SERINC5: variants seen among roughly 807,000 people sequenced by gnomAD.
The protein encoded by SERINC5 is serine incorporator 5.
SERINC5 carries 41 observed loss-of-function variants against 63.1 expected under a neutral mutation model. The ratio of observed to expected loss-of-function variants is 0.65; its 90% CI spans 0.51 to 0.84. The LOEUF (loss-of-function observed/expected upper bound fraction) is 0.84, where lower values mean the gene tolerates loss of function less well. Among genes scored for constraint, SERINC5 ranks in the 40% least tolerant of loss-of-function variants. The pLI is 0.00. For synonymous variants in SERINC5, 222 were observed against 215.2 expected, an observed-to-expected ratio of 1.03 and a Z score of -0.28; for missense variants, 523 against 573.0, an observed-to-expected ratio of 0.91 and a Z score of 0.89.
intron 1 of SERINC5, among the ~76,000 whole-genome samples, chr5:80,208,563 C>T (rs1035671595): frequency 7.2e-5 from 11 of 152,142 alleles, no homozygotes; most frequent in Non-Finnish European, 1.0e-4. Flanking sequence ...CAATTGCATG[C>T]TATACTCAAT....
intron 8 of SERINC5, chr5:80,157,187 T>A (rs1746594642): frequency 6.6e-6 from 1 of 151,988 alleles, no homozygotes; most frequent in Non-Finnish European, 1.5e-5. Flanking sequence ...GATATGGGGT[T>A]TCACCATGTT....
At chr5:80,223,223 T>C (rs1023592213) in intron 1 of SERINC5, among the ~76,000 whole-genome samples, 55 of 152,324 alleles carry the variant, frequency 3.6e-4, no homozygotes, top group African/African-American at 1.3e-3. Flanking sequence ...CCTCAGTATC[T>C]GCGAGGGACT....
intron 11 of SERINC5, among the ~76,000 whole-genome samples, chr5:80,124,974 G>A (rs1361075544): frequency 6.6e-6 from 1 of 152,180 alleles, no homozygotes; most frequent in East Asian, 1.9e-4. Flanking sequence ...AAAAAGGTAG[G>A]GGGATGGACA....
chr5:80,125,478 A>G lies in SERINC5; in HGVS notation c.1239-11853T>C, dbSNP rs75828071. On this transcript the variant is annotated intron_variant, in intron 11 of 12. Transcript: ENST00000509193. ...CTGTCAAGGAAAGGCATTTCAGGAA[A>G]CCAAAAGTAGTATCTGTTTGACATG... Among the ~76,000 whole-genome samples, 1,088 of 152,292 alleles carry G rather than the reference A, an allele frequency of 7.1e-3. 14 individuals carry two copies. The highest frequency in any genetic ancestry group is 0.025 in the African/African-American group (1,030 of 41,568).
chr5:80,186,404 T>C (rs1748812350), intron 2 of SERINC5, among the ~76,000 whole-genome samples: 1 of 151,970 alleles, frequency 6.6e-6, no homozygotes, highest in Non-Finnish European at 1.5e-5. Context: ...CCCTAAAGTG[T>C]TGGGATTACA....
At chr5:80,245,942 T>C (rs536698394) in intron 1 of SERINC5, among the ~76,000 whole-genome samples, 1 of 146,544 alleles carries the variant, frequency 6.8e-6, no homozygotes, top group East Asian at 2.0e-4. Flanking sequence ...ATTGACATTT[T>C]ACTTTAGGGA....
intron 1 of SERINC5, among the ~76,000 whole-genome samples, chr5:80,235,853 A>C (rs1751663557): frequency 2.6e-5 from 4 of 151,124 alleles, no homozygotes; most frequent in Admixed American, 2.6e-4. Context: ...TAACCTTTTA[A>C]ATTTTTCTGT....
At chr5:80,144,295 C>A (rs2112297090) in intron 11 of SERINC5, among the ~76,000 whole-genome samples, 2 of 152,312 alleles carry the variant, frequency 1.3e-5, no homozygotes, top group East Asian at 3.9e-4. Context: ...TTGATTATCA[C>A]CAATGATGCT....
intron 11 of SERINC5, among the ~76,000 whole-genome samples, chr5:80,115,693 A>G (rs2112221578): frequency 6.6e-6 from 1 of 152,206 alleles, no homozygotes; most frequent in Non-Finnish European, 1.5e-5. Context: ...ATGCTGTTTT[A>G]CGTTTTCTTC....
intron 1 of SERINC5, among the ~76,000 whole-genome samples, chr5:80,210,572 A>G (rs904430161): frequency 1.3e-5 from 2 of 152,198 alleles, no homozygotes; most frequent in African/African-American, 4.8e-5. Flanking sequence ...TTCATTACCT[A>G]GAATTTCCAG....
chr5:80,221,299 C>A (rs886788132), intron 1 of SERINC5, among the ~76,000 whole-genome samples: 1 of 152,212 alleles, frequency 6.6e-6, no homozygotes, highest in African/African-American at 2.4e-5. Flanking sequence ...ATCCTGTGTT[C>A]AAGTGATGAC....
intron 11 of SERINC5, among the ~76,000 whole-genome samples, chr5:80,128,642 T>G (rs1344903870): frequency 1.3e-5 from 2 of 152,122 alleles, no homozygotes; most frequent in East Asian, 3.9e-4. Flanking sequence ...AGTAAGGATT[T>G]TAAGAAAAGT....
rs2112374254 is a variant in SERINC5 at position 80,166,526 on chromosome 5, G to GA, written c.764-49dup. On this transcript the variant is annotated intron_variant, in intron 6 of 11. Coordinates refer to ENST00000507668, the MANE Select transcript of SERINC5 (RefSeq NM_001174072.3). ...CAACAGGTTTTAATTTGAAGAAAAAGAAAGCACATGCCTAAAAAACCTGAT... is the reference window on the plus strand; with the variant it reads ...CAACAGGTTTTAATTTGAAGAAAAAGAAAAGCACATGCCTAAAAAACCTGAT... 2.3e-6 allele frequency: 3 copies of GA among 1,293,840 alleles called. No homozygotes were observed. The East Asian group carries it at 7.6e-5, about 33-fold the overall frequency. 80.1% of individuals were successfully genotyped at this position (1,293,840 alleles called of 1,614,324 possible). A position where few individuals can be genotyped will look rare whatever the true frequency, so the allele number is the denominator to read the frequency against.
intron 1 of SERINC5, among the ~76,000 whole-genome samples, chr5:80,233,200 C>T (rs1007986475): frequency 6.6e-6 from 1 of 152,126 alleles, no homozygotes; most frequent in African/African-American, 2.4e-5. Flanking sequence ...CCAAGGAGGG[C>T]GGATCATCTG....
At chr5:80,138,663 A>AT, downstream of SERINC5, 1 of 219,168 alleles carries the variant, frequency 4.6e-6, no homozygotes, top group South Asian at 1.6e-4. Flanking sequence ...AACATGAGGT[A>AT]ATGCATATGC....
Position 80,213,907 on chromosome 5 carries a change from G to A in SERINC5, c.28-10854C>T, listed in dbSNP as rs113937050. ...TGCTTTGTCAATTCCTGGGAATACC[G>A]CAGTAAACAAGAGACCTTGATTCTA... On this transcript the variant is annotated intron_variant, in intron 1 of 11. Transcript: ENST00000507668. 9.5e-3 allele frequency among the ~76,000 whole-genome samples: 1,442 copies of A among 152,062 alleles called. 29 individuals carry two copies. The highest frequency in any genetic ancestry group is 0.033 in the African/African-American group (1,364 of 41,456).
rs70982043 is a variant in SERINC5 at position 80,232,407 on chromosome 5, GA to G, written c.27+23488del. Among the ~76,000 whole-genome samples, 1,046 of 110,300 alleles carry G rather than the reference GA, an allele frequency of 9.5e-3. 7 individuals are homozygous for G. Among genetic ancestry groups the G allele is most frequent in the Middle Eastern group, 0.048 (9 of 188 alleles). 72.4% of individuals were successfully genotyped at this position (110,300 alleles called of 152,430 possible). A position where few individuals can be genotyped will look rare whatever the true frequency, so the allele number is the denominator to read the frequency against. ...CGACAGAGTGAGACTCTGTCTCAAA[GA>G]AAAAAAAAAAAAAAGTGGAAACAAC... On this transcript the variant is annotated intron_variant, in intron 1 of 11. Transcript: ENST00000507668.
intron 12 of SERINC5, among the ~76,000 whole-genome samples, chr5:80,112,627 G>A (rs932119663): frequency 2.0e-5 from 3 of 151,968 alleles, no homozygotes; most frequent in African/African-American, 7.3e-5. Context: ...AATACCCACA[G>A]GTGTGGAGGG....
chr5:80,225,948 T>C (rs10039470), intron 1 of SERINC5, among the ~76,000 whole-genome samples: 46,280 of 151,984 alleles, frequency 0.3, 7,309 homozygotes, highest in Admixed American at 0.4. Context: ...GCACTCATTA[T>C]AAGTAATAGT....
Sources: gnomAD v4.1 joint callset for allele counts (sites outside exome capture counted in the v4.1 genomes callset) on GRCh38, gnomAD v4.1.1 for gene constraint, MANE v1.5 for transcripts, NCBI Gene and HGNC (gene_info 2026-07-23, HGNC 2026-07-21) for gene names.